The following RANBP2 variants were observed in gnomAD, a reference collection of about 807,000 sequenced individuals.
The protein encoded by RANBP2 is RAN binding protein 2, also known as E3 SUMO-protein ligase RanBP2.
Under a neutral mutation model 303.6 loss-of-function variants are expected in RANBP2, and 57 were observed. The ratio of observed to expected loss-of-function variants is 0.19; its 90% CI spans 0.15 to 0.23. The LOEUF is 0.23. Ranked by LOEUF, RANBP2 falls within the 10% of genes least tolerant of loss-of-function variation. RANBP2 has a pLI of 1.00. For synonymous variants in RANBP2, 1,167 were observed against 1,301.5 expected, an observed-to-expected ratio of 0.90 and a Z score of 2.23; for missense variants, 3,138 against 3,780.8, an observed-to-expected ratio of 0.83 and a Z score of 4.46.
At chr2:108,945,843 G>A in the RANBP2 span, among the ~76,000 whole-genome samples, 1 of 152,172 alleles carries the variant, frequency 6.6e-6, no homozygotes, top group South Asian at 2.1e-4. Flanking sequence ...ACTTGTATGA[G>A]GTCCCCAGAG....
the RANBP2 span, among the ~76,000 whole-genome samples, chr2:109,333,229 C>T: frequency 6.6e-6 from 1 of 152,202 alleles, no homozygotes; most frequent in Non-Finnish European, 1.5e-5. Flanking sequence ...CAGGCATTCT[C>T]CTGCCTGTAG....
the RANBP2 span, among the ~76,000 whole-genome samples, chr2:108,834,730 T>A: frequency 2.6e-5 from 4 of 152,232 alleles, no homozygotes; most frequent in Non-Finnish European, 4.4e-5. Flanking sequence ...GAAACAATTC[T>A]GTACCCGTTT....
the RANBP2 span, among the ~76,000 whole-genome samples, chr2:109,779,232 TC>T: frequency 1.2e-5 from 1 of 83,722 alleles, no homozygotes; most frequent in East Asian, 3.7e-4. Context: ...TAACTCAGTG[TC>T]TGCACAAGAT....
chr2:109,668,966 C>A, the RANBP2 span, among the ~76,000 whole-genome samples: 67 of 152,200 alleles, frequency 4.4e-4, no homozygotes, highest in African/African-American at 1.6e-3. Flanking sequence ...TCAAAATGTA[C>A]TAGGAAGCTG....
At chr2:109,269,724 A>G in the RANBP2 span, among the ~76,000 whole-genome samples, 2 of 152,200 alleles carry the variant, frequency 1.3e-5, no homozygotes, top group Admixed American at 1.3e-4. Context: ...GGTTGCAGTG[A>G]GGTGAGATCG....
chr2:109,234,162 A>G, the RANBP2 span, among the ~76,000 whole-genome samples: 1 of 152,330 alleles, frequency 6.6e-6, no homozygotes, highest in African/African-American at 2.4e-5. Context: ...CTATACCATG[A>G]AGTTAATAGT....
chr2:109,635,108 T>TA, the RANBP2 span, among the ~76,000 whole-genome samples: 239 of 147,028 alleles, frequency 1.6e-3, no homozygotes, highest in Middle Eastern at 3.4e-3. Flanking sequence ...ACTCCAGTGT[T>TA]AAAAAAAAAA....
At chr2:108,719,718 C>T (rs748296941) in intron 1 of RANBP2, 40 bp downstream of exon 1, 9 of 1,560,330 alleles carry the variant, frequency 5.8e-6, no homozygotes, top group African/African-American at 4.1e-5. Flanking sequence ...TCGACCTGGC[C>T]GGGCGGCGGC....
the RANBP2 span, among the ~76,000 whole-genome samples, chr2:109,025,666 T>C: frequency 2.3e-3 from 353 of 151,708 alleles, 1 homozygote; most frequent in African/African-American, 8.0e-3. Context: ...GTTGTGGTGG[T>C]GGGCGCCTGT....
At chr2:108,897,553 C>T in the RANBP2 span, among the ~76,000 whole-genome samples, 4 of 152,270 alleles carry the variant, frequency 2.6e-5, no homozygotes, top group East Asian at 3.9e-4. Context: ...GACAAGTTAT[C>T]CTTAGTTGGG....
the RANBP2 span, among the ~76,000 whole-genome samples, chr2:109,657,506 G>A: frequency 1.3e-5 from 2 of 152,148 alleles, no homozygotes; most frequent in African/African-American, 4.8e-5. Flanking sequence ...GAATTAGGAT[G>A]TTCCCAACCA....
chr2:109,347,478 A>T, the RANBP2 span, among the ~76,000 whole-genome samples: 56 of 151,818 alleles, frequency 3.7e-4, no homozygotes, highest in Non-Finnish European at 5.9e-5. Flanking sequence ...GGACCCTCTT[A>T]TCTCAGTGGC....
the RANBP2 span, among the ~76,000 whole-genome samples, chr2:109,182,612 C>T: frequency 2.0e-5 from 3 of 152,250 alleles, no homozygotes; most frequent in South Asian, 2.1e-4. Flanking sequence ...ATCGATGTTG[C>T]GTAAATTGGT....
the RANBP2 span, among the ~76,000 whole-genome samples, chr2:109,474,354 A>C: frequency 6.6e-6 from 1 of 152,146 alleles, no homozygotes; most frequent in Non-Finnish European, 1.5e-5. Flanking sequence ...TCTGTGAGCC[A>C]TTTGGGCTGT....
the RANBP2 span, among the ~76,000 whole-genome samples, chr2:109,025,610 AT>A: frequency 2.6e-5 from 4 of 152,060 alleles, no homozygotes; most frequent in Non-Finnish European, 5.9e-5. Flanking sequence ...GATCAAGAGC[AT>A]CCTGGCTAAC....
chr2:109,615,184 G>T, the RANBP2 span: 3 of 1,548,822 alleles, frequency 1.9e-6, no homozygotes, highest in Non-Finnish European at 1.7e-6. Context: ...AGCTCCTCCG[G>T]GGGAGGACGC....
At chr2:109,490,575 G>C in the RANBP2 span, 5 of 1,404,962 alleles carry the variant, frequency 3.6e-6, no homozygotes, top group South Asian at 6.5e-5. Context: ...GCATTCACCT[G>C]TTTGGTTTCC....
the RANBP2 span, among the ~76,000 whole-genome samples, chr2:109,250,623 A>G: frequency 6.6e-6 from 1 of 152,076 alleles, no homozygotes; most frequent in Non-Finnish European, 1.5e-5. Context: ...TAATAGTGGT[A>G]TGTTTCCTGG....
the RANBP2 span, among the ~76,000 whole-genome samples, chr2:109,306,721 C>T: frequency 6.6e-6 from 1 of 152,352 alleles, no homozygotes; most frequent in East Asian, 1.9e-4. Flanking sequence ...ATGGCAGAAT[C>T]ACATTTCCTG....
Sources: gnomAD v4.1 joint callset for allele counts (sites outside exome capture counted in the v4.1 genomes callset) on GRCh38, gnomAD v4.1.1 for gene constraint, MANE v1.5 for transcripts, NCBI Gene and HGNC (gene_info 2026-07-23, HGNC 2026-07-21) for gene names.